The following SLC9A8 variants were observed in gnomAD, a reference collection of about 807,000 sequenced individuals.
SLC9A8 encodes solute carrier family 9 member A8, also known as sodium/hydrogen exchanger 8.
In SLC9A8, 48 loss-of-function variants were observed where a neutral mutation model predicts 66.6. The observed-to-expected ratio is 0.72, with a 90% CI of 0.57 to 0.92. The LOEUF is 0.92. SLC9A8 is among the 40% of genes least tolerant of loss of function. The pLI is 0.00. For missense variants in SLC9A8, 599 were observed against 747.3 expected (o/e 0.80, Z 2.31); for synonymous variants, 274 against 282.6 (o/e 0.97, Z 0.31).
chr20:49,837,648 C>T (rs2087590674), intron 3 of SLC9A8, among the ~76,000 whole-genome samples: 1 of 152,170 alleles, frequency 6.6e-6, no homozygotes, highest in South Asian at 2.1e-4. Context: ...CAGCTCACTG[C>T]AACCTCTGCC....
chr20:49,880,999 A>G lies in SLC9A8; in HGVS notation c.1234A>G (p.Ile412Val), dbSNP rs763796419. The part of the protein sequence containing the change: ...YLLNFFRDHK[I>V]TPKMMFIMWF... ...CCTGAATTTCTTCCGGGATCATAAA[A>G]TCACACCGAAGATGATGTTCATCAT... Residue 412 changes from isoleucine to valine, a missense_variant, in exon 13 of 16, where the codon ATC becomes GTC. Coordinates refer to ENST00000361573, the MANE Select transcript of SLC9A8 (RefSeq NM_015266.3). The G allele has an allele frequency of 1.2e-6, 2 of 1,613,650 alleles. No individual in the cohort carries two copies. Among genetic ancestry groups the G allele is most frequent in the Non-Finnish European group, 1.7e-6 (2 of 1,179,648 alleles).
At position 49,830,997 on chromosome 20, in the gene SLC9A8, C is replaced by A; in HGVS notation, c.289+7856C>A. 4.0e-6 allele frequency: 3 copies of A among 748,778 alleles called. No individual in the cohort carries two copies. The South Asian group carries it at 4.0e-5, about 10-fold the overall frequency. The allele number at this position is 748,778 out of a possible 1,614,324, so 46.4% of individuals were successfully genotyped here. On this transcript the variant is annotated intron_variant, in intron 3 of 15. Transcript: ENST00000361573. ...GCGGTCAACTCTCTGACTCCCATGG[C>A]AGCTGCAGCCAACCAGGTGTACAAA... is the stretch of plus-strand genomic sequence containing the variant.
At position 49,857,374 on chromosome 20, in the gene SLC9A8, G is replaced by C. The variant is rs141187260; in HGVS notation, c.713+1793G>C. ...GACTATATTCAGAATTCTTATGTTG[G>C]AATAAAATGCCTCAGCCTAGGACTA... On this transcript the variant is annotated intron_variant, in intron 8 of 15. Coordinates refer to ENST00000361573, the MANE Select transcript of SLC9A8 (RefSeq NM_015266.3). Among the ~76,000 whole-genome samples the C allele has an allele frequency of 2.0e-3, 305 of 152,236 alleles. 1 individual carries two copies. The highest frequency in any genetic ancestry group is 7.0e-3 in the African/African-American group (292 of 41,532).
intron 13 of SLC9A8, among the ~76,000 whole-genome samples, chr20:49,883,644 G>A (rs1169646871): frequency 6.6e-6 from 1 of 152,200 alleles, no homozygotes; most frequent in African/African-American, 2.4e-5. Flanking sequence ...GCCAATGTTG[G>A]AATGGAGGTG....
chr20:49,822,158 A>T (rs1171922717), intron 2 of SLC9A8, among the ~76,000 whole-genome samples: 1 of 152,184 alleles, frequency 6.6e-6, no homozygotes, highest in Non-Finnish European at 1.5e-5. Context: ...GCCGATGGGA[A>T]TGGCAGGACA....
rs1188368484 is a variant in SLC9A8 at position 49,819,202 on chromosome 20, C to A, written c.209-3859C>A. Among the ~76,000 whole-genome samples the A allele has an allele frequency of 3.3e-5, 5 of 152,104 alleles. No individual in the cohort carries two copies. In the East Asian group the frequency reaches 9.6e-4, roughly 29 times the overall value. Reference sequence around the variant, plus strand: ...TTATTTGACACATACATTTTATGGGCCTTGAAACTTAATGGAGTTATTATG... The same window carrying A: ...TTATTTGACACATACATTTTATGGGACTTGAAACTTAATGGAGTTATTATG... On this transcript the variant is annotated intron_variant, in intron 2 of 15. Coordinates refer to ENST00000361573, the MANE Select transcript of SLC9A8 (RefSeq NM_015266.3).
rs562381048 is a variant in SLC9A8, at chr20:49,886,375, G to C, written c.1492-377G>C. 1.8e-5 allele frequency: 3 copies of C among 167,524 alleles called. No homozygotes were observed. The highest frequency in any genetic ancestry group is 7.2e-5 in the African/African-American group (3 of 41,930). 10.4% of individuals were successfully genotyped at this position (167,524 alleles called of 1,614,324 possible). On this transcript the variant is annotated intron_variant, in intron 14 of 15. Transcript: ENST00000361573. This position sits in a 1 kb window ranked among gnomAD's most constrained non-coding sequence, Gnocchi z 4.8. ...GTCCACGGTGGAGTCCTAGCTAATA[G>C]AGCCACAGGCAAAGAGACAAAAAGC...
intron 5 of SLC9A8, among the ~76,000 whole-genome samples, chr20:49,847,907 G>GTGTT (rs1555835857): frequency 8.7e-6 from 1 of 115,216 alleles, no homozygotes; most frequent in Non-Finnish European, 1.7e-5. Context: ...TGATTAATCT[G>GTGTT]TTTTTTTTTT....
intron 7 of SLC9A8, 68 bp downstream of exon 7, chr20:49,850,912 C>A: frequency 1.7e-6 from 2 of 1,210,930 alleles, no homozygotes; most frequent in South Asian, 1.3e-5. Context: ...CTCCACATTG[C>A]TTCCTGGGTG....
intron 13 of SLC9A8, among the ~76,000 whole-genome samples, chr20:49,881,923 G>A (rs532485557): frequency 9.2e-5 from 14 of 152,286 alleles, no homozygotes; most frequent in Admixed American, 6.5e-4. Context: ...AGGGGGGCAT[G>A]AGGATAAGAG....
intron 8 of SLC9A8, among the ~76,000 whole-genome samples, chr20:49,860,936 CA>C (rs1366222805): frequency 2.6e-5 from 4 of 152,176 alleles, no homozygotes; most frequent in Admixed American, 2.6e-4. Flanking sequence ...GACAGTTTCC[CA>C]TGCTGTGAAG....
intron 14 of SLC9A8, among the ~76,000 whole-genome samples, chr20:49,884,308 A>G (rs1178731863): frequency 7.4e-6 from 1 of 134,980 alleles, no homozygotes; most frequent in Non-Finnish European, 1.6e-5. Context: ...ACACACACAC[A>G]CACACACACA....
chr20:49,882,183 G>A (rs1009739429), intron 13 of SLC9A8, among the ~76,000 whole-genome samples: 11 of 152,096 alleles, frequency 7.2e-5, no homozygotes, highest in African/African-American at 1.9e-4. Flanking sequence ...CCGCAGCTGT[G>A]TCCGCACCTC....
At chr20:49,874,603 T>TA (rs1375098635) in intron 10 of SLC9A8, 102 bp from the exon 11 acceptor site, 7 of 763,428 alleles carry the variant, frequency 9.2e-6, no homozygotes, top group African/African-American at 5.2e-5. Context: ...TCCTTTTTCT[T>TA]AAACCCTCTA....
At chr20:49,860,949 A>G (rs1035150179) in intron 8 of SLC9A8, among the ~76,000 whole-genome samples, 6 of 152,212 alleles carry the variant, frequency 3.9e-5, no homozygotes, top group Non-Finnish European at 7.3e-5. Context: ...GCTGTGAAGG[A>G]GAAGTCAAGC....
chr20:49,822,752 A>T (rs755654875), intron 2 of SLC9A8, among the ~76,000 whole-genome samples: 149 of 152,166 alleles, frequency 9.8e-4, no homozygotes, highest in Non-Finnish European at 1.7e-3. Context: ...ATACCACTGC[A>T]CTCTAGCCTG....
chr20:49,882,980 T>TG (rs1327531888), intron 13 of SLC9A8, among the ~76,000 whole-genome samples: 1 of 151,674 alleles, frequency 6.6e-6, no homozygotes, highest in Non-Finnish European at 1.5e-5. Context: ...GGGAAGGTCC[T>TG]GGTGCTGTCT....
Position 49,815,161 on chromosome 20 carries a change from G to C in SLC9A8, c.180G>C (p.Met60Ile). 6.3e-7 allele frequency: 1 copy of C among 1,576,118 alleles called. No individual in the cohort carries two copies. The highest frequency in any genetic ancestry group is 8.6e-7 in the Non-Finnish European group (1 of 1,159,968). Reference protein sequence around the residue: ...QAQQEEQSSGMTIFFSLLVLA... With the variant: ...QAQQEEQSSGITIFFSLLVLA... ...AGCAAGAGGAGCAGTCCAGCGGCAT[G>C]ACCATTTTCTTCAGCCTCCTTGTCC... The change falls in exon 2 of 16, where the codon ATG becomes ATC. Residue 60 changes from methionine to isoleucine, a missense_variant. This residue lies in a region of SLC9A8 where 132 missense variants were observed against 120.9 expected (regional missense o/e 1.09). Coordinates refer to ENST00000361573, the MANE Select transcript of SLC9A8 (RefSeq NM_015266.3).
rs923096897 is a variant in SLC9A8, at chr20:49,891,748, C to T, written c.*3812C>T. On this transcript the variant is annotated 3_prime_UTR_variant, in exon 16 of 16. Transcript: ENST00000361573. The stretch of plus-strand genomic sequence containing the variant: ...TGCCAGCCCTGCGGAACCAGAGCCT[C>T]AGGCTGGGATGGGGAGGCCTCCCTG... The T allele has an allele frequency of 1.3e-5, 2 of 152,274 alleles. No homozygotes were observed. Among genetic ancestry groups the T allele is most frequent in the African/African-American group, 4.8e-5 (2 of 41,456 alleles). The allele number at this position is 152,274 out of a possible 1,614,324, so 9.4% of individuals were successfully genotyped here. A position where few individuals can be genotyped will look rare whatever the true frequency, so the allele number is the denominator to read the frequency against.
Sources: allele counts gnomAD v4.1 joint callset (sites outside exome capture counted in the v4.1 genomes callset), GRCh38; gene constraint gnomAD v4.1.1; regional missense constraint gnomAD v4.1.1; non-coding constraint Gnocchi (gnomAD v3.1); transcripts MANE v1.5; gene names NCBI Gene and HGNC (gene_info 2026-07-23, HGNC 2026-07-21).